LRRC4C: variants seen among roughly 807,000 people sequenced by gnomAD.
LRRC4C encodes leucine rich repeat containing 4C.
Under a neutral mutation model 33.6 loss-of-function variants are expected in LRRC4C, and 5 were observed. The ratio of observed to expected loss-of-function variants is 0.15; its 90% CI spans 0.08 to 0.31. LRRC4C has a LOEUF of 0.31. LRRC4C is among the 10% of genes least tolerant of loss of function. The pLI is 1.00. For synonymous variants in LRRC4C, 329 were observed against 302.0 expected, an observed-to-expected ratio of 1.09 and a Z score of -0.93; for missense variants, 560 against 796.7, an observed-to-expected ratio of 0.70 and a Z score of 3.58.
At chr11:40,251,012 G>A (rs1272349780) in intron 4 of LRRC4C, among the ~76,000 whole-genome samples, 1 of 152,102 alleles carries the variant, frequency 6.6e-6, no homozygotes, top group African/African-American at 2.4e-5. Flanking sequence ...TGTTTAGGTA[G>A]TTTTAAATCC....
intron 1 of LRRC4C, among the ~76,000 whole-genome samples, chr11:41,429,013 T>C (rs898323978): frequency 6.6e-6 from 1 of 152,112 alleles, no homozygotes; most frequent in Non-Finnish European, 1.5e-5. Context: ...TCAAATCTCA[T>C]CTTGAATTGT....
intron 4 of LRRC4C, among the ~76,000 whole-genome samples, chr11:40,317,563 C>T (rs7928608): frequency 0.95 from 145,201 of 152,142 alleles, 69,647 homozygotes; most frequent in Non-Finnish European, 1. Flanking sequence ...CATTTGTGAT[C>T]ATATTTCCTG....
chr11:40,697,385 A>T (rs1945620001), intron 2 of LRRC4C, among the ~76,000 whole-genome samples: 1 of 152,170 alleles, frequency 6.6e-6, no homozygotes, highest in South Asian at 2.1e-4. Flanking sequence ...ATCCAAAAAA[A>T]ATTATGTAGA....
chr11:40,114,235 A>C lies in LRRC4C; in HGVS notation c.*135T>G. On this transcript the variant is annotated 3_prime_UTR_variant, in exon 7 of 7. Transcript: ENST00000528697. ...TTAGATCACAATAGAATTTTTAATAAATAAATTTCTTTTCTTTTTTGTTTT... is the reference window on the plus strand; with the variant it reads ...TTAGATCACAATAGAATTTTTAATACATAAATTTCTTTTCTTTTTTGTTTT... The C allele has an allele frequency of 9.8e-7, 1 of 1,018,342 alleles. No homozygotes were observed. The highest frequency in any genetic ancestry group is 1.4e-6 in the Non-Finnish European group (1 of 729,942). The allele number at this position is 1,018,342 out of a possible 1,614,324, so 63.1% of individuals were successfully genotyped here. A position where few individuals can be genotyped will look rare whatever the true frequency, so the allele number is the denominator to read the frequency against.
At chr11:41,442,500 T>G (rs1433740758) in intron 1 of LRRC4C, among the ~76,000 whole-genome samples, 30 of 128,388 alleles carry the variant, frequency 2.3e-4, no homozygotes, top group African/African-American at 9.1e-4. Context: ...GACAGAGTCT[T>G]GCTCTGTCGC....
intron 1 of LRRC4C, among the ~76,000 whole-genome samples, chr11:41,417,789 A>T (rs1399747038): frequency 1.3e-5 from 2 of 151,910 alleles, no homozygotes; most frequent in African/African-American, 4.8e-5. Flanking sequence ...TGCCTAAAAA[A>T]GTGTCCCTGA....
chr11:40,158,888 C>T (rs1858927209), intron 5 of LRRC4C, among the ~76,000 whole-genome samples: 1 of 152,024 alleles, frequency 6.6e-6, no homozygotes, highest in Admixed American at 6.6e-5. Flanking sequence ...AAAAGAGTAT[C>T]AGAAAAACAA....
At chr11:40,216,386 C>T (rs1026892960) in intron 5 of LRRC4C, among the ~76,000 whole-genome samples, 2 of 152,090 alleles carry the variant, frequency 1.3e-5, no homozygotes, top group Non-Finnish European at 2.9e-5. Flanking sequence ...ACTGATCTGA[C>T]CATTTCATTT....
chr11:41,355,007 T>C (rs1423202777), intron 1 of LRRC4C, among the ~76,000 whole-genome samples: 2 of 151,968 alleles, frequency 1.3e-5, no homozygotes, highest in Non-Finnish European at 2.9e-5. Flanking sequence ...TGGGACCTAA[T>C]TAAAGATCTT....
At chr11:41,217,588 G>T (rs772707158) in intron 1 of LRRC4C, among the ~76,000 whole-genome samples, 3 of 152,070 alleles carry the variant, frequency 2.0e-5, no homozygotes, top group Non-Finnish European at 4.4e-5. Context: ...TCTAAAAATA[G>T]AATAAAGAAC....
intron 2 of LRRC4C, among the ~76,000 whole-genome samples, chr11:40,653,251 G>A (rs574277442): frequency 6.6e-6 from 1 of 152,316 alleles, no homozygotes; most frequent in Admixed American, 6.5e-5. Context: ...GGAACAGTTT[G>A]GAGGGCTTAG....
chr11:41,284,779 A>G (rs4237686), intron 1 of LRRC4C, among the ~76,000 whole-genome samples: 152,042 of 152,326 alleles, frequency 1, 75,879 homozygotes, highest in East Asian at 1. Context: ...ACACCAATCC[A>G]TAGCCACAGT....
Position 41,424,639 on chromosome 11 carries a change from CA to C in LRRC4C, c.-496+34791del, listed in dbSNP as rs1304541872. On this transcript the variant is annotated intron_variant, in intron 1 of 6. Coordinates refer to ENST00000528697, the MANE Select transcript of LRRC4C (RefSeq NM_001258419.2). ...ATGGAGTACATTGATAAAGCAAAAG[CA>C]AATCGAGATTTGACAGAAGATACCA... 2.0e-5 allele frequency among the ~76,000 whole-genome samples: 3 copies of C among 151,932 alleles called. No homozygotes were observed. The East Asian group carries it at 5.8e-4, about 29-fold the overall frequency.
intron 4 of LRRC4C, among the ~76,000 whole-genome samples, chr11:40,310,890 G>A (rs1238721231): frequency 2.6e-5 from 4 of 152,068 alleles, no homozygotes; most frequent in African/African-American, 9.7e-5. Flanking sequence ...GTTTTGTTTT[G>A]TTTAGGGTCC....
At chr11:40,163,667 A>C (rs1232374355) in intron 5 of LRRC4C, among the ~76,000 whole-genome samples, 2 of 152,206 alleles carry the variant, frequency 1.3e-5, no homozygotes, top group African/African-American at 4.8e-5. Context: ...TTATAATAAC[A>C]TAATAGCAAG....
chr11:40,565,479 CT>C (rs1376308315), intron 3 of LRRC4C, among the ~76,000 whole-genome samples: 1 of 152,166 alleles, frequency 6.6e-6, no homozygotes, highest in African/African-American at 2.4e-5. Context: ...CCATTCTTGC[CT>C]AGCATGTTCT....
chr11:41,342,910 T>G (rs1406139711), intron 1 of LRRC4C, among the ~76,000 whole-genome samples: 2 of 152,180 alleles, frequency 1.3e-5, no homozygotes, highest in Non-Finnish European at 2.9e-5. Flanking sequence ...CTGGGAGGAT[T>G]ACACTAACTT....
intron 3 of LRRC4C, among the ~76,000 whole-genome samples, chr11:40,634,794 C>G (rs956166740): frequency 6.6e-6 from 1 of 151,544 alleles, no homozygotes; most frequent in African/African-American, 2.4e-5. Context: ...AGGCAGGTGG[C>G]GGGGGGTGTT....
At chr11:40,357,011 A>G (rs1048861558) in intron 3 of LRRC4C, among the ~76,000 whole-genome samples, 1 of 152,192 alleles carries the variant, frequency 6.6e-6, no homozygotes, top group Non-Finnish European at 1.5e-5. Context: ...GTCTTGCTTG[A>G]ATACAAAGTC....
Sources: allele counts gnomAD v4.1 joint callset (sites outside exome capture counted in the v4.1 genomes callset), GRCh38; gene constraint gnomAD v4.1.1; transcripts MANE v1.5; gene names NCBI Gene and HGNC (gene_info 2026-07-23, HGNC 2026-07-21).